The following DLGAP1 variants were observed in gnomAD, a reference collection of about 807,000 sequenced individuals.
DLGAP1 encodes DLG associated protein 1.
Under a neutral mutation model 90.8 loss-of-function variants are expected in DLGAP1, and 11 were observed. The ratio of observed to expected loss-of-function variants is 0.12; its 90% CI spans 0.08 to 0.20. The LOEUF (loss-of-function observed/expected upper bound fraction) is 0.20. DLGAP1 is among the 10% of genes least tolerant of loss of function. The pLI, the probability that DLGAP1 is intolerant of heterozygous loss-of-function variation, is 1.00. For missense variants in DLGAP1, 1,050 were observed against 1,333.8 expected (o/e 0.79, Z 3.31); for synonymous variants, 558 against 540.7 (o/e 1.03, Z -0.44).
At chr18:4,129,697 C>T (rs1205991494) in intron 2 of DLGAP1, among the ~76,000 whole-genome samples, 3 of 152,276 alleles carry the variant, frequency 2.0e-5, no homozygotes, top group Non-Finnish European at 2.9e-5. Flanking sequence ...AACCTACCCA[C>T]GCCAATTTAG....
rs937622607 is a variant in DLGAP1 at position 3,914,537 on chromosome 18, C to A, written c.-72-34397G>T. Among the ~76,000 whole-genome samples, 204 of 152,306 alleles carry A rather than the reference C, an allele frequency of 1.3e-3. 1 individual carries two copies. Among genetic ancestry groups the A allele is most frequent in the African/African-American group, 4.8e-3 (201 of 41,574 alleles). On this transcript the variant is annotated intron_variant, in intron 3 of 12. Transcript: ENST00000315677. ...CAGCTCTCCCTTCAACTACTGATTTCATTTCCTTTGAATATATATCTTGGA... is the reference window on the plus strand; with the variant it reads ...CAGCTCTCCCTTCAACTACTGATTTAATTTCCTTTGAATATATATCTTGGA...
rs3879740 is a variant in DLGAP1 at position 3,504,150 on chromosome 18, T to C, written c.2572-1505A>G. Among the ~76,000 whole-genome samples the C allele has an allele frequency of 3.5e-3, 539 of 152,228 alleles. 5 individuals are homozygous for C. Among genetic ancestry groups the C allele is most frequent in the African/African-American group, 0.012 (515 of 41,548 alleles). ...ATAGATATATTTATAAATTTATAGT[T>C]CCTAAAGTGCCCAAAAGTTCTAAAG... On this transcript the variant is annotated intron_variant, in intron 11 of 12. Transcript: ENST00000315677.
intron 2 of DLGAP1, among the ~76,000 whole-genome samples, chr18:4,017,849 G>A (rs2074547729): frequency 6.6e-6 from 1 of 151,824 alleles, no homozygotes; most frequent in Non-Finnish European, 1.5e-5. Context: ...AGCCTAATGT[G>A]CTATACTTTT....
intron 4 of DLGAP1, among the ~76,000 whole-genome samples, chr18:3,866,255 A>T (rs1401109175): frequency 6.6e-6 from 1 of 152,126 alleles, no homozygotes; most frequent in African/African-American, 2.4e-5. Flanking sequence ...CACACTGGGG[A>T]CGGATAACTT....
intron 7 of DLGAP1, among the ~76,000 whole-genome samples, chr18:3,586,235 T>A (rs1381929040): frequency 2.0e-5 from 3 of 152,108 alleles, no homozygotes; most frequent in Non-Finnish European, 4.4e-5. Context: ...GGGAGCTGAA[T>A]GGAGGGCAGG....
chr18:3,734,674 TTTATTTACTGGCTTTTGAC>T (rs1281652401), intron 6 of DLGAP1, among the ~76,000 whole-genome samples: 1 of 152,236 alleles, frequency 6.6e-6, no homozygotes, highest in South Asian at 2.1e-4. Flanking sequence ...CACCTGTCAC[TTTATTTACTGGCTTTTGAC>T]TTATTTACTG....
chr18:3,527,298 TTAGA>T (rs892319271), intron 10 of DLGAP1, among the ~76,000 whole-genome samples: 3 of 151,982 alleles, frequency 2.0e-5, no homozygotes, highest in African/African-American at 7.3e-5. Flanking sequence ...CTATTTAAAA[TTAGA>T]TAGACTCTTT....
At chr18:4,247,043 C>T (rs117955398) in intron 1 of DLGAP1, among the ~76,000 whole-genome samples, 5 of 152,006 alleles carry the variant, frequency 3.3e-5, no homozygotes, top group Non-Finnish European at 7.4e-5. Context: ...GGAATTTCAC[C>T]TGAATTGGAG....
chr18:3,739,702 A>G (rs566318313), intron 6 of DLGAP1, among the ~76,000 whole-genome samples: 2 of 152,254 alleles, frequency 1.3e-5, no homozygotes, highest in South Asian at 4.1e-4. Flanking sequence ...GGTGCAGCGC[A>G]CCAGTGCGGC....
intron 9 of DLGAP1, among the ~76,000 whole-genome samples, chr18:3,566,283 T>C (rs1486715115): frequency 6.6e-6 from 1 of 152,160 alleles, no homozygotes; most frequent in Non-Finnish European, 1.5e-5. Context: ...GTCATATTTG[T>C]TTCCAGAATG....
intron 1 of DLGAP1, among the ~76,000 whole-genome samples, chr18:4,275,967 G>A (rs1209161615): frequency 2.0e-5 from 3 of 151,976 alleles, no homozygotes; most frequent in Non-Finnish European, 4.4e-5. Flanking sequence ...ACAAGCAGGA[G>A]TTTACAAGGG....
chr18:3,846,661 A>T (rs891870553), intron 4 of DLGAP1, among the ~76,000 whole-genome samples: 5 of 152,366 alleles, frequency 3.3e-5, no homozygotes, highest in African/African-American at 1.2e-4. Flanking sequence ...GATAAATCTT[A>T]AAAATAGTAT....
intron 5 of DLGAP1, among the ~76,000 whole-genome samples, chr18:3,799,683 C>T (rs990878568): frequency 1.3e-5 from 2 of 152,062 alleles, no homozygotes; most frequent in African/African-American, 4.8e-5. Flanking sequence ...TTGCTATGGG[C>T]AACCACTTAA....
intron 2 of DLGAP1, among the ~76,000 whole-genome samples, chr18:4,139,853 T>A (rs1173761343): frequency 4.6e-5 from 7 of 152,032 alleles, no homozygotes; most frequent in African/African-American, 1.7e-4. Context: ...CCCTTTATGA[T>A]TAAATAATAA....
chr18:3,808,973 T>C (rs1598834450), intron 5 of DLGAP1, among the ~76,000 whole-genome samples: 1 of 152,228 alleles, frequency 6.6e-6, no homozygotes. Context: ...CCAATACTAC[T>C]TCCTTTTGTC....
intron 7 of DLGAP1, among the ~76,000 whole-genome samples, chr18:3,706,084 G>A (rs934192094): frequency 6.7e-6 from 1 of 149,308 alleles, no homozygotes; most frequent in Non-Finnish European, 1.5e-5. Flanking sequence ...TGCAACCTCT[G>A]CCTTGGGGTT....
intron 4 of DLGAP1, 57 bp from the exon 5 acceptor site, chr18:3,814,330 CTTTTT>C: frequency 8.1e-7 from 1 of 1,241,966 alleles, no homozygotes; most frequent in East Asian, 2.5e-5. Context: ...TTTTTCTTTT[CTTTTT>C]CTTTTTTTTT....
chr18:4,304,192 A>T (rs766245385), intron 1 of DLGAP1, among the ~76,000 whole-genome samples: 1 of 152,204 alleles, frequency 6.6e-6, no homozygotes, highest in Non-Finnish European at 1.5e-5. Context: ...AAGTGGAGGA[A>T]GATAAAAAGT....
chr18:3,871,761 T>G (rs1263215508), intron 4 of DLGAP1, among the ~76,000 whole-genome samples: 1 of 152,318 alleles, frequency 6.6e-6, no homozygotes, highest in Middle Eastern at 3.4e-3. Context: ...AATGGCACTC[T>G]TAAAATGGAT....
Sources: gnomAD v4.1 joint callset for allele counts (sites outside exome capture counted in the v4.1 genomes callset) on GRCh38, gnomAD v4.1.1 for gene constraint, MANE v1.5 for transcripts, NCBI Gene and HGNC (gene_info 2026-07-23, HGNC 2026-07-21) for gene names.